Variants in ESRP2 observed in about 807,000 individuals in gnomAD.
The protein encoded by ESRP2 is RNA binding motif protein 35A.
Under a neutral mutation model 78.6 loss-of-function variants are expected in ESRP2, and 48 were observed. The ratio of observed to expected loss-of-function variants is 0.61; its 90% CI spans 0.48 to 0.78. ESRP2 has a LOEUF of 0.78. ESRP2 is among the 30% of genes least tolerant of loss of function. The probability of loss-of-function intolerance (pLI) is 0.00; values close to 1 mark genes in which losing one functional copy is unlikely to be tolerated. For synonymous variants in ESRP2, 383 were observed against 406.7 expected (o/e 0.94, Z 0.70); for missense variants, 863 against 965.9 (o/e 0.89, Z 1.41).
rs1175625858 is a variant in ESRP2 at position 68,231,053 on chromosome 16, G to A, written c.1712-26C>T. The A allele has an allele frequency of 6.3e-7, 1 of 1,589,772 alleles. No homozygotes were observed. Among genetic ancestry groups the A allele is most frequent in the East Asian group, 2.2e-5 (1 of 44,658 alleles). On this transcript the variant is annotated intron_variant, in intron 12 of 14. Coordinates refer to ENST00000473183, the MANE Select transcript of ESRP2 (RefSeq NM_024939.3). The surrounding 1 kb of genome is among the most constrained non-coding windows in gnomAD (Gnocchi z 6.0). ...CTAGAGACGGAAGTAGAAAGTGCATGTGCACGGAGCCCAGCACTGCCCTGG... is the reference window on the plus strand; with the variant it reads ...CTAGAGACGGAAGTAGAAAGTGCATATGCACGGAGCCCAGCACTGCCCTGG...
rs1052122172 is a variant in ESRP2 at position 68,230,692 on chromosome 16, G to T, written c.1899-138C>A. 1.6e-5 allele frequency: 22 copies of T among 1,411,872 alleles called. No individual in the cohort carries two copies. In the East Asian group the frequency reaches 3.2e-4, roughly 21 times the overall value. 87.5% of individuals were successfully genotyped at this position (1,411,872 alleles called of 1,614,324 possible). On this transcript the variant is annotated intron_variant, in intron 13 of 14. Transcript: ENST00000473183. Reference sequence around the variant, plus strand: ...CCCCAGCCTCTACAGAGTCATTTTCGATCTGTTTTGTAGATGGCATTAGCC... The same window carrying T: ...CCCCAGCCTCTACAGAGTCATTTTCTATCTGTTTTGTAGATGGCATTAGCC...
Position 68,231,727 on chromosome 16 carries a change from C to A in ESRP2, c.1300-33G>T. 1 of 1,593,482 alleles carries A rather than the reference C, an allele frequency of 6.3e-7. No individual in the cohort carries two copies. The highest frequency in any genetic ancestry group is 1.1e-5 in the South Asian group (1 of 88,184). The stretch of plus-strand genomic sequence containing the variant: ...GGAAGGCAGCAACAGGCTGGTCATG[C>A]CAAGTAGGGCAGGGACACAGAGGGC... On this transcript the variant is annotated intron_variant, in intron 10 of 14. Coordinates refer to ENST00000473183, the MANE Select transcript of ESRP2 (RefSeq NM_024939.3). The surrounding 1 kb of genome is among the most constrained non-coding windows in gnomAD (Gnocchi z 6.0).
rs1480871224 is a variant in ESRP2 at position 68,230,839 on chromosome 16, A to T, written c.1898+2T>A. ...TGTGATATTCTCTTAGCTGCAGGGT[A>T]CCTTGGGTAGTAGGCTGTGTAGTTC... On this transcript the variant is annotated splice_donor_variant, in intron 13 of 14. Transcript: ENST00000473183. LOFTEE classifies it high-confidence loss of function. 3 of 1,613,984 alleles carry T rather than the reference A, an allele frequency of 1.9e-6. No homozygotes were observed. The highest frequency in any genetic ancestry group is 1.7e-6 in the Non-Finnish European group (2 of 1,179,930).
chr16:68,231,295 CCTT>C lies in ESRP2; in HGVS notation c.1591_1593del (p.Lys531del), dbSNP rs769333644. The C allele has an allele frequency of 4.3e-6, 7 of 1,614,022 alleles. No homozygotes were observed. The highest frequency in any genetic ancestry group is 1.1e-5 in the South Asian group (1 of 91,094). On this transcript the variant is annotated inframe_deletion, in exon 12 of 15. Coordinates refer to ENST00000473183, the MANE Select transcript of ESRP2 (RefSeq NM_024939.3). The surrounding 1 kb of genome is among the most constrained non-coding windows in gnomAD (Gnocchi z 6.0). ...ACCTCCACGTAGCGCTCCTTCATCACCTTCTTATGGCAACGCTGAGCAGCAGCT... is the reference window on the plus strand; with the variant it reads ...ACCTCCACGTAGCGCTCCTTCATCACCTTATGGCAACGCTGAGCAGCAGCT...
At position 68,230,832 on chromosome 16, in the gene ESRP2, G is replaced by A. The variant is rs752499069; in HGVS notation, c.1898+9C>T. 1 of 1,613,996 alleles carries A rather than the reference G, an allele frequency of 6.2e-7. No individual in the cohort carries two copies. The highest frequency in any genetic ancestry group is 8.5e-7 in the Non-Finnish European group (1 of 1,179,930). Reference sequence around the variant, plus strand: ...GTGGGACTGTGATATTCTCTTAGCTGCAGGGTACCTTGGGTAGTAGGCTGT... The same window carrying A: ...GTGGGACTGTGATATTCTCTTAGCTACAGGGTACCTTGGGTAGTAGGCTGT... On this transcript the variant is annotated intron_variant, in intron 13 of 14. Coordinates refer to ENST00000473183, the MANE Select transcript of ESRP2 (RefSeq NM_024939.3).
At position 68,230,462 on chromosome 16, in the gene ESRP2, G is replaced by A; in HGVS notation, c.1991C>T (p.Ala664Val). ...TGGGACACCCTGCATGCGGACCAAGGCTCCTGACTGGGACAACACTGAGGT... is the reference window on the plus strand; with the variant it reads ...TGGGACACCCTGCATGCGGACCAAGACTCCTGACTGGGACAACACTGAGGT... ...APTSVLSQSG[A>V]LVRMQGVPYT... Residue 664 changes from alanine (A) to valine (V), a missense_variant, in exon 14 of 15, where the codon GCC becomes GTC. Ala to Val is a moderately conservative substitution (Grantham distance 64, BLOSUM62 0). Coordinates refer to ENST00000473183, the MANE Select transcript of ESRP2 (RefSeq NM_024939.3). 6.2e-7 allele frequency: 1 copy of A among 1,612,782 alleles called. No individual in the cohort carries two copies.
In ESRP2 at chr16:68,231,062, G is replaced by A. The variant is rs1295309815; in HGVS notation, c.1712-35C>T. ...GAAGTAGAAAGTGCATGTGCACGGA[G>A]CCCAGCACTGCCCTGGGTGGGGTAG... is the stretch of plus-strand genomic sequence containing the variant. On this transcript the variant is annotated intron_variant, in intron 12 of 14. Coordinates refer to ENST00000473183, the MANE Select transcript of ESRP2 (RefSeq NM_024939.3). This position sits in a 1 kb window ranked among gnomAD's most constrained non-coding sequence, Gnocchi z 6.0. 6.3e-7 allele frequency: 1 copy of A among 1,590,598 alleles called. No individual in the cohort carries two copies. Among genetic ancestry groups the A allele is most frequent in the Non-Finnish European group, 8.6e-7 (1 of 1,165,286 alleles).
Position 68,231,570 on chromosome 16 carries a change from G to T in ESRP2, c.1424C>A (p.Thr475Lys), listed in dbSNP as rs780992155. The stretch of plus-strand genomic sequence containing the variant: ...GCTCAGGATGTCTTCAATGGTGGCC[G>T]TGTAGGGCAGGCCTCGGAGGCGTAC... ...DCVRLRGLPY[T>K]ATIEDILSFL... is the part of the protein sequence containing the mutation. Residue 475 changes from threonine (T) to lysine (K), a missense_variant, in exon 11 of 15, where the codon ACG becomes AAG. Coordinates refer to ENST00000473183, the MANE Select transcript of ESRP2 (RefSeq NM_024939.3). This position sits in a 1 kb window ranked among gnomAD's most constrained non-coding sequence, Gnocchi z 6.0. The T allele has an allele frequency of 1.9e-6, 3 of 1,614,004 alleles. No homozygotes were observed. Among genetic ancestry groups the T allele is most frequent in the African/African-American group, 1.3e-5 (1 of 74,914 alleles).
rs1455813069 is a variant in ESRP2, at chr16:68,235,747, T to C, written c.214A>G (p.Lys72Glu). Reference protein sequence around the residue: ...PRSRQVGTLHKSLVRAEAAAL... With the variant: ...PRSRQVGTLHESLVRAEAAAL... Reference sequence around the variant, plus strand: ...GCCGCCTCGGCACGAACCAGCGATTTGTGCAGCGTCCCCACCTGTGAGCGG... The same window carrying C: ...GCCGCCTCGGCACGAACCAGCGATTCGTGCAGCGTCCCCACCTGTGAGCGG... The change falls in exon 2 of 15, where the codon AAA becomes GAA. Residue 72 changes from lysine to glutamate, a missense_variant. Physicochemically the swap from Lys to Glu is moderately conservative, Grantham distance 56. Coordinates refer to ENST00000473183, the MANE Select transcript of ESRP2 (RefSeq NM_024939.3). The surrounding 1 kb of genome is among the most constrained non-coding windows in gnomAD (Gnocchi z 5.5). 6.2e-7 allele frequency: 1 copy of C among 1,609,490 alleles called. No homozygotes were observed. The highest frequency in any genetic ancestry group is 1.3e-5 in the African/African-American group (1 of 74,952).
chr16:68,236,055 G>C lies in ESRP2; in HGVS notation c.-10C>G. On this transcript the variant is annotated 5_prime_UTR_variant, in exon 1 of 15. Coordinates refer to ENST00000473183, the MANE Select transcript of ESRP2 (RefSeq NM_024939.3). The surrounding 1 kb of genome is among the most constrained non-coding windows in gnomAD (Gnocchi z 5.2). ...GCGGCGGCGGAGTCATGGCCGCAGA[G>C]GAAGGGGGCTCTCGGCCAGACACGC... The C allele has an allele frequency of 7.0e-7, 1 of 1,421,662 alleles. No individual in the cohort carries two copies. Among genetic ancestry groups the C allele is most frequent in the Admixed American group, 3.3e-5 (1 of 30,592 alleles). The allele number at this position is 1,421,662 out of a possible 1,614,324, so 88.1% of individuals were successfully genotyped here. A position where few individuals can be genotyped will look rare whatever the true frequency, so the allele number is the denominator to read the frequency against.
Position 68,231,267 on chromosome 16 carries a change from A to T in ESRP2, c.1622T>A (p.Val541Asp). Residue 541 changes from valine to aspartate, a missense_variant, in exon 12 of 15, where the codon GTC becomes GAC. Val to Asp is a radical substitution (Grantham distance 152). Transcript: ENST00000473183. The surrounding 1 kb of genome is among the most constrained non-coding windows in gnomAD (Gnocchi z 6.0). ...GCTCATCTCCTCTGTGGAACAGGGG[A>T]CCACCTCCACGTAGCGCTCCTTCAT... The part of the protein sequence containing the change: ...KVMKERYVEV[V>D]PCSTEEMSRV... 1 of 1,613,920 alleles carries T rather than the reference A, an allele frequency of 6.2e-7. No individual in the cohort carries two copies. The highest frequency in any genetic ancestry group is 1.1e-5 in the South Asian group (1 of 91,080).
chr16:68,231,872 C>T lies in ESRP2; in HGVS notation c.1229G>A (p.Arg410His), dbSNP rs547507047. Reference sequence around the variant, plus strand: ...CTTACCCAGCATGCCCTTGTGCCTGCGCAGTGCAGCCTGTGCCAGCTCCTC... The same window carrying T: ...CTTACCCAGCATGCCCTTGTGCCTGTGCAGTGCAGCCTGTGCCAGCTCCTC... The part of the protein sequence containing the change: ...ACEELAQAAL[R>H]RHKGMLGKRY... Residue 410 changes from arginine (R) to histidine (H), a missense_variant, in exon 10 of 15, where the codon CGC (arginine) becomes CAC (histidine). By Grantham distance (29) the Arg-to-His change is conservative (BLOSUM62 0). Transcript: ENST00000473183. This position sits in a 1 kb window ranked among gnomAD's most constrained non-coding sequence, Gnocchi z 6.0. 32 of 1,613,952 alleles carry T rather than the reference C, an allele frequency of 2.0e-5. No homozygotes were observed. The South Asian group carries it at 2.4e-4, about 12-fold the overall frequency.
chr16:68,233,703 G>T (rs907397607), intron 4 of ESRP2, 65 bp downstream of exon 4: 2 of 1,189,092 alleles, frequency 1.7e-6, no homozygotes, highest in Non-Finnish European at 2.5e-6. Flanking sequence ...CCCACAGCAT[G>T]CACATACTCA....
In ESRP2 at chr16:68,231,131, C is replaced by G; in HGVS notation, c.1711+47G>C. 1 of 1,610,372 alleles carries G rather than the reference C, an allele frequency of 6.2e-7. No homozygotes were observed. ...TATAGAAGGTAGGGGCTTACAACAGCCTGGCTACCACAGGCCTCCTCCTCC... is the reference window on the plus strand; with the variant it reads ...TATAGAAGGTAGGGGCTTACAACAGGCTGGCTACCACAGGCCTCCTCCTCC... On this transcript the variant is annotated intron_variant, in intron 12 of 14. Transcript: ENST00000473183. This position sits in a 1 kb window ranked among gnomAD's most constrained non-coding sequence, Gnocchi z 6.0.
In ESRP2 at chr16:68,231,540, A is replaced by G. The variant is rs1207353876; in HGVS notation, c.1454T>C (p.Leu485Pro). 6.2e-7 allele frequency: 1 copy of G among 1,614,098 alleles called. No individual in the cohort carries two copies. The highest frequency in any genetic ancestry group is 1.3e-5 in the African/African-American group (1 of 75,008). Residue 485 changes from leucine to proline, a missense_variant, in exon 11 of 15, where the codon CTG (leucine) becomes CCG (proline). Leu to Pro is a moderately conservative substitution (Grantham distance 98). Transcript: ENST00000473183. The surrounding 1 kb of genome is among the most constrained non-coding windows in gnomAD (Gnocchi z 6.0). ...CCGAATGTCAGCTGCTGCCTCCCCC[A>G]GAAAGCTCAGGATGTCTTCAATGGT... ...TATIEDILSF[L>P]GEAAADIRPH...
At position 68,235,426 on chromosome 16, in the gene ESRP2, T is replaced by G; in HGVS notation, c.327+208A>C. 1.0e-6 allele frequency: 1 copy of G among 985,320 alleles called. No homozygotes were observed. Among genetic ancestry groups the G allele is most frequent in the Non-Finnish European group, 1.2e-6 (1 of 829,902 alleles). The allele number at this position is 985,320 out of a possible 1,614,324, so 61.0% of individuals were successfully genotyped here. A position where few individuals can be genotyped will look rare whatever the true frequency, so the allele number is the denominator to read the frequency against. On this transcript the variant is annotated intron_variant, in intron 2 of 14. Coordinates refer to ENST00000473183, the MANE Select transcript of ESRP2 (RefSeq NM_024939.3). The surrounding 1 kb of genome is among the most constrained non-coding windows in gnomAD (Gnocchi z 5.5). The stretch of plus-strand genomic sequence containing the variant: ...CGGTAGGAGTAGGTTCCTGCAATGG[T>G]TGAAAAGTAAGGAGCCCAGGGGAAT...
rs1442487525 is a variant in ESRP2, at chr16:68,233,871, G to A, written c.453C>T (p.Leu151=). Residue 151 remains leucine (L), a synonymous_variant, in exon 4 of 15, where the codon CTC becomes CTT. Transcript: ENST00000473183. ...CATAGAAGGAGAAGAACATGTCGGGGAGCACCAGGTTCTGGGGGCACATAG... is the reference window on the plus strand; with the variant it reads ...CATAGAAGGAGAAGAACATGTCGGGAAGCACCAGGTTCTGGGGGCACATAG... ...HPEASRKNLV[L]PDMFFSFYDL... 6.2e-7 allele frequency: 1 copy of A among 1,613,936 alleles called. No homozygotes were observed. The highest frequency in any genetic ancestry group is 1.7e-5 in the Admixed American group (1 of 60,016).
Position 68,235,865 on chromosome 16 carries a change from C to G in ESRP2, c.181G>C (p.Glu61Gln). 6.2e-7 allele frequency: 1 copy of G among 1,612,174 alleles called. No individual in the cohort carries two copies. The highest frequency in any genetic ancestry group is 8.5e-7 in the Non-Finnish European group (1 of 1,179,622). ...DLILLVWQVVEPRSRQVGTLH... is the reference protein window; with the variant it reads ...DLILLVWQVVQPRSRQVGTLH... ...CACCCTACCTGGCGGCTCCGCGGCT[C>G]AACCACTTGCCAAACTAGGAGGATT... The change falls in exon 1 of 15, where the codon GAG becomes CAG. Residue 61 changes from glutamate to glutamine, a missense_variant. By Grantham distance (29) the Glu-to-Gln change is conservative. Coordinates refer to ENST00000473183, the MANE Select transcript of ESRP2 (RefSeq NM_024939.3). The surrounding 1 kb of genome is among the most constrained non-coding windows in gnomAD (Gnocchi z 5.5).
chr16:68,236,120 C>T lies in ESRP2; in HGVS notation c.-75G>A. 7.4e-7 allele frequency: 1 copy of T among 1,343,838 alleles called. No homozygotes were observed. Among genetic ancestry groups the T allele is most frequent in the South Asian group, 1.9e-5 (1 of 53,614 alleles). The allele number at this position is 1,343,838 out of a possible 1,614,324, so 83.2% of individuals were successfully genotyped here. A position where few individuals can be genotyped will look rare whatever the true frequency, so the allele number is the denominator to read the frequency against. On this transcript the variant is annotated 5_prime_UTR_variant, in exon 1 of 15. Transcript: ENST00000473183. The surrounding 1 kb of genome is among the most constrained non-coding windows in gnomAD (Gnocchi z 5.2). Reference sequence around the variant, plus strand: ...CACGCACGCACCGACCGACCGCAGACGCGGATCAGCTTGGGCGGGACACCG... The same window carrying T: ...CACGCACGCACCGACCGACCGCAGATGCGGATCAGCTTGGGCGGGACACCG...
Sources: gnomAD v4.1 joint callset for allele counts on GRCh38, gnomAD v4.1.1 for gene constraint, Gnocchi (gnomAD v3.1) non-coding constraint, MANE v1.5 for transcripts, NCBI Gene and HGNC (gene_info 2026-07-23, HGNC 2026-07-21) for gene names.